The following ZNF536 variants were observed in gnomAD, a reference collection of about 807,000 sequenced individuals.
ZNF536 encodes zinc finger protein 536.
ZNF536 carries 13 observed loss-of-function variants against 84.5 expected under a neutral mutation model. The observed-to-expected ratio is 0.15, with a 90% CI of 0.10 to 0.24. ZNF536 has a LOEUF of 0.24. ZNF536 is among the 10% of genes least tolerant of loss of function. The pLI, the probability that ZNF536 is intolerant of heterozygous loss-of-function variation, is 1.00. For synonymous variants in ZNF536, 811 were observed against 742.5 expected, an observed-to-expected ratio of 1.09 and a Z score of -1.50; for missense variants, 1,536 against 1,747.5, an observed-to-expected ratio of 0.88 and a Z score of 2.16.
chr19:30,587,525 A>G (rs2047136282), intron 1 of ZNF536, among the ~76,000 whole-genome samples: 1 of 152,184 alleles, frequency 6.6e-6, no homozygotes, highest in East Asian at 1.9e-4. Flanking sequence ...GGCCTAGCAG[A>G]CATGGCAGGA....
intron 2 of ZNF536, among the ~76,000 whole-genome samples, chr19:30,301,293 G>A (rs1176524260): frequency 6.6e-6 from 1 of 152,130 alleles, no homozygotes; most frequent in African/African-American, 2.4e-5. Context: ...TTATGTCTGA[G>A]GAAATAGGAA....
At chr19:30,303,618 T>G (rs938069642) in intron 2 of ZNF536, among the ~76,000 whole-genome samples, 1 of 152,000 alleles carries the variant, frequency 6.6e-6, no homozygotes, top group African/African-American at 2.4e-5. Flanking sequence ...TTCTCGTGCC[T>G]CAGCCTCCCG....
At chr19:30,694,312 C>T (rs886931588) in intron 1 of ZNF536, among the ~76,000 whole-genome samples, 5 of 152,218 alleles carry the variant, frequency 3.3e-5, no homozygotes, top group Non-Finnish European at 7.3e-5. Flanking sequence ...GTGATTGAAC[C>T]AGCAGGGACC....
chr19:30,285,759 C>A (rs1194963892), intron 2 of ZNF536, among the ~76,000 whole-genome samples: 1 of 152,182 alleles, frequency 6.6e-6, no homozygotes, highest in Non-Finnish European at 1.5e-5. Context: ...CCCTCCCGTG[C>A]ACTGCAGAAT....
intron 1 of ZNF536, among the ~76,000 whole-genome samples, chr19:30,276,095 G>A (rs559004451): frequency 1.3e-3 from 199 of 152,032 alleles, no homozygotes; most frequent in Non-Finnish European, 2.2e-3. Flanking sequence ...GAGGACCAGG[G>A]CCACCGGGGG....
chr19:30,363,426 C>T (rs964610334), intron 3 of ZNF536, among the ~76,000 whole-genome samples: 2 of 152,076 alleles, frequency 1.3e-5, no homozygotes, highest in East Asian at 1.9e-4. Context: ...CCTAAAAGGA[C>T]GTTGCCTGTA....
intron 2 of ZNF536, among the ~76,000 whole-genome samples, chr19:30,506,548 G>T (rs913554955): frequency 1.3e-5 from 2 of 152,174 alleles, no homozygotes; most frequent in African/African-American, 2.4e-5. Context: ...GCGAGGGGAG[G>T]TTCTGCCCTG....
intron 2 of ZNF536, among the ~76,000 whole-genome samples, chr19:30,290,352 A>G (rs1227713459): frequency 6.6e-6 from 1 of 152,112 alleles, no homozygotes; most frequent in Non-Finnish European, 1.5e-5. Flanking sequence ...ATCATAGCTC[A>G]CTGCAGCCTT....
chr19:30,499,835 G>T lies in ZNF536; in HGVS notation c.2171-35012G>T, dbSNP rs79640206. Among the ~76,000 whole-genome samples the T allele has an allele frequency of 4.6e-3, 695 of 152,252 alleles. 5 individuals are homozygous for T. The highest frequency in any genetic ancestry group is 0.028 in the South Asian group (136 of 4,816). On this transcript the variant is annotated intron_variant, in intron 2 of 4. Coordinates refer to ENST00000355537, the MANE Select transcript of ZNF536 (RefSeq NM_014717.3). ...GTTAACTCTTATCCAGCAAGGGCTT[G>T]GTGGAAGTCCATGTTCTGGTGGCTG...
chr19:30,548,996 C>A lies in ZNF536; in HGVS notation c.3377C>A (p.Ala1126Asp), dbSNP rs1415053709. ...TACCCAGGCATGGTTGGCTCAGGGG[C>A]CTCCAGTTCCTGCCCCAACAAGGAG... The part of the protein sequence containing the change: ...GVYPGMVGSG[A>D]SSSCPNKEPD... Residue 1126 changes from alanine (A) to aspartate (D), a missense_variant, in exon 4 of 5, where the codon GCC (alanine) becomes GAC (aspartate). Transcript: ENST00000355537. The A allele has an allele frequency of 3.7e-6, 6 of 1,614,020 alleles. No homozygotes were observed. The East Asian group carries it at 8.9e-5, about 24-fold the overall frequency.
intron 2 of ZNF536, among the ~76,000 whole-genome samples, chr19:30,526,711 G>A (rs1211069789): frequency 2.0e-5 from 2 of 102,172 alleles, no homozygotes; most frequent in Non-Finnish European, 4.4e-5. Context: ...GCGACAGAGC[G>A]AGACTCCGTC....
chr19:30,250,092 CTTG>C (rs1174830031), intron 1 of ZNF536, among the ~76,000 whole-genome samples: 1 of 152,176 alleles, frequency 6.6e-6, no homozygotes, highest in Non-Finnish European at 1.5e-5. Context: ...AGCTCGGAGC[CTTG>C]TTGTGTGACT....
intron 3 of ZNF536, among the ~76,000 whole-genome samples, chr19:30,537,744 C>A (rs1033600489): frequency 6.6e-6 from 1 of 152,152 alleles, no homozygotes; most frequent in South Asian, 2.1e-4. Flanking sequence ...GCTTCACAAA[C>A]CTTGGAATAC....
intron 1 of ZNF536, among the ~76,000 whole-genome samples, chr19:30,272,608 T>C (rs2025914840): frequency 6.6e-6 from 1 of 152,212 alleles, no homozygotes. Flanking sequence ...ACCCTGGTCT[T>C]TTTCCTGTCT....
chr19:30,236,741 G>C (rs758217112), intron 1 of ZNF536, among the ~76,000 whole-genome samples: 3 of 152,166 alleles, frequency 2.0e-5, no homozygotes, highest in African/African-American at 7.2e-5. Context: ...CTCAGCCAGG[G>C]TCTGGTCATC....
intron 2 of ZNF536, among the ~76,000 whole-genome samples, chr19:30,306,717 G>C (rs546860872): frequency 2.2e-4 from 33 of 152,216 alleles, no homozygotes; most frequent in Non-Finnish European, 2.8e-4. Flanking sequence ...GAGATCTATA[G>C]TCTGGTATGT....
At chr19:30,546,557 C>A (rs965499532) in intron 3 of ZNF536, among the ~76,000 whole-genome samples, 1 of 152,208 alleles carries the variant, frequency 6.6e-6, no homozygotes, top group Admixed American at 6.5e-5. Context: ...ACAAAGTCCA[C>A]GCCCCCAAAT....
intron 2 of ZNF536, among the ~76,000 whole-genome samples, chr19:30,461,302 A>G (rs2053123898): frequency 6.6e-6 from 1 of 152,144 alleles, no homozygotes; most frequent in Non-Finnish European, 1.5e-5. Context: ...CCTTTGGGCC[A>G]TGCTGGGAGT....
chr19:30,235,117 G>A (rs1414546896), intron 1 of ZNF536, among the ~76,000 whole-genome samples: 1 of 152,178 alleles, frequency 6.6e-6, no homozygotes, highest in East Asian at 1.9e-4. Context: ...GTGACCCCAT[G>A]CCAGGCACTA....
Sources: gnomAD v4.1 joint callset for allele counts (sites outside exome capture counted in the v4.1 genomes callset) on GRCh38, gnomAD v4.1.1 for gene constraint, MANE v1.5 for transcripts, NCBI Gene and HGNC (gene_info 2026-07-23, HGNC 2026-07-21) for gene names.